The following CNRIP1 variants were observed in gnomAD, a reference collection of about 807,000 sequenced individuals.
CNRIP1 encodes the protein CB1 cannabinoid receptor-interacting protein 1.
Under a neutral mutation model 15.2 loss-of-function variants are expected in CNRIP1, and 10 were observed. The ratio of observed to expected loss-of-function variants is 0.66; its 90% CI spans 0.41 to 1.12. The LOEUF (loss-of-function observed/expected upper bound fraction) is 1.12, where lower values mean the gene tolerates loss of function less well. Among genes scored for constraint, CNRIP1 ranks in the 50% most tolerant of loss-of-function variants. The pLI is 0.00. For missense variants in CNRIP1, 211 were observed against 214.7 expected, an observed-to-expected ratio of 0.98 and a Z score of 0.11; for synonymous variants, 91 against 83.2, an observed-to-expected ratio of 1.09 and a Z score of -0.51.
intron 2 of CNRIP1, among the ~76,000 whole-genome samples, chr2:68,304,358 C>T (rs1045036916): frequency 2.6e-5 from 4 of 151,068 alleles, no homozygotes; most frequent in Admixed American, 6.6e-5. Flanking sequence ...GCCAAGATCA[C>T]GCCACTGCAC....
At chr2:68,294,564 T>TA (rs1671279405) in intron 2 of CNRIP1, among the ~76,000 whole-genome samples, 1 of 152,170 alleles carries the variant, frequency 6.6e-6, no homozygotes, top group Non-Finnish European at 1.5e-5. Flanking sequence ...AGAGAAGGAA[T>TA]AAAGTTTACT....
chr2:68,307,286 A>G (rs576093782), intron 2 of CNRIP1, among the ~76,000 whole-genome samples: 1 of 152,316 alleles, frequency 6.6e-6, no homozygotes, highest in South Asian at 2.1e-4. Flanking sequence ...GTCAAAATGT[A>G]TAGGATTGTA....
At chr2:68,305,259 A>AAAAAAATAT (rs1267101468) in intron 2 of CNRIP1, among the ~76,000 whole-genome samples, 6 of 100,362 alleles carry the variant, frequency 6.0e-5, no homozygotes, top group African/African-American at 2.2e-4. Flanking sequence ...AAAAAAAAAA[A>AAAAAAATAT]ATATATATAT....
Position 68,310,719 on chromosome 2 carries a change from A to G in CNRIP1, c.330+6438T>C, listed in dbSNP as rs559506548. On this transcript the variant is annotated intron_variant, in intron 2 of 2. Coordinates refer to ENST00000263655, the MANE Select transcript of CNRIP1 (RefSeq NM_015463.3). The stretch of plus-strand genomic sequence containing the variant: ...TGAAAGTGTGACCCATATTAAAAAA[A>G]AAAAAAGTCAGGCTGTAATAATTTA... Among the ~76,000 whole-genome samples, 7 of 152,156 alleles carry G rather than the reference A, an allele frequency of 4.6e-5. No individual in the cohort carries two copies. The East Asian group carries it at 1.3e-3, about 29-fold the overall frequency.
At chr2:68,299,560 C>T (rs545157653) in intron 2 of CNRIP1, among the ~76,000 whole-genome samples, 1 of 152,320 alleles carries the variant, frequency 6.6e-6, no homozygotes, top group South Asian at 2.1e-4. Flanking sequence ...GTTTGGTCTT[C>T]CCAGCTTCCA....
downstream of CNRIP1, among the ~76,000 whole-genome samples, chr2:68,289,576 G>A (rs535939741): frequency 6.6e-6 from 1 of 152,116 alleles, no homozygotes; most frequent in Admixed American, 6.5e-5. Context: ...CACTTCCAGG[G>A]CTCAAGAGAT....
chr2:68,285,817 C>T (rs533862717), intron 2 of CNRIP1, among the ~76,000 whole-genome samples: 1 of 152,292 alleles, frequency 6.6e-6, no homozygotes, highest in South Asian at 2.1e-4. Flanking sequence ...TCAACCACTG[C>T]CGCTATCAGG....
chr2:68,291,688 G>C (rs1272257811), downstream of CNRIP1, among the ~76,000 whole-genome samples: 3 of 152,106 alleles, frequency 2.0e-5, no homozygotes, highest in African/African-American at 7.2e-5. Context: ...AGAACAGCTT[G>C]ACCAACATGG....
chr2:68,285,668 A>AAG (rs1553413241), intron 2 of CNRIP1, among the ~76,000 whole-genome samples: 2 of 124,434 alleles, frequency 1.6e-5, no homozygotes, highest in African/African-American at 3.1e-5. Context: ...AAAAAAAAAA[A>AAG]AAAAGAAAAG....
At chr2:68,314,521 C>A (rs1319066945) in intron 2 of CNRIP1, among the ~76,000 whole-genome samples, 1 of 151,552 alleles carries the variant, frequency 6.6e-6, no homozygotes, top group African/African-American at 2.4e-5. Context: ...AAACATTAGA[C>A]AATGCAATAT....
downstream of CNRIP1, among the ~76,000 whole-genome samples, chr2:68,289,314 A>G (rs141768649): frequency 6.6e-6 from 1 of 152,304 alleles, no homozygotes; most frequent in East Asian, 1.9e-4. Context: ...ATTTTTAAAT[A>G]ATTAAAAATT....
rs1376446286 is a variant in CNRIP1 at position 68,319,564 on chromosome 2, C to T, written c.-164G>A. 1.7e-5 allele frequency: 12 copies of T among 689,492 alleles called. No individual in the cohort carries two copies. Among genetic ancestry groups the T allele is most frequent in the Non-Finnish European group, 2.7e-5 (12 of 440,354 alleles). 42.7% of individuals were successfully genotyped at this position (689,492 alleles called of 1,614,324 possible). On this transcript the variant is annotated 5_prime_UTR_variant, in exon 1 of 3. Transcript: ENST00000263655. ...ACCCGCGCCGTCGCCGCCGTCCGCCCGGGCTTTTGAGGAGCAGCTCCTTAG... is the reference window on the plus strand; with the variant it reads ...ACCCGCGCCGTCGCCGCCGTCCGCCTGGGCTTTTGAGGAGCAGCTCCTTAG...
At chr2:68,314,053 A>G (rs1430879085) in intron 2 of CNRIP1, among the ~76,000 whole-genome samples, 1 of 152,114 alleles carries the variant, frequency 6.6e-6, no homozygotes, top group Non-Finnish European at 1.5e-5. Flanking sequence ...CAAGAAAACC[A>G]TCCCGCAAAT....
Position 68,319,415 on chromosome 2 carries a change from C to T in CNRIP1, c.-15G>A. ...AGGTCCCCCATGTCTGGGCGAGGGT[C>T]TGGCGCGGCGGCTCCGGGGGGCGGA... On this transcript the variant is annotated 5_prime_UTR_variant, in exon 1 of 3. Transcript: ENST00000263655. 1 of 1,533,794 alleles carries T rather than the reference C, an allele frequency of 6.5e-7. No homozygotes were observed. The highest frequency in any genetic ancestry group is 2.4e-5 in the East Asian group (1 of 41,456).
chr2:68,297,567 CAAAAAAAAAAAAA>C (rs112601365), intron 2 of CNRIP1, among the ~76,000 whole-genome samples: 23 of 98,866 alleles, frequency 2.3e-4, no homozygotes, highest in Non-Finnish European at 4.0e-4. Flanking sequence ...GACACTGTCT[CAAAAAAAAAAAAA>C]AAAAAAAAAA....
At chr2:68,284,392 T>G in exon 3 of CNRIP1, 1 of 1,347,670 alleles carries the variant, frequency 7.4e-7, no homozygotes, top group South Asian at 1.5e-5. Flanking sequence ...AAAAAGAACA[T>G]TTGTTCCTCA....
intron 2 of CNRIP1, 81 bp downstream of exon 2, chr2:68,317,076 C>T (rs891528695): frequency 2.3e-5 from 35 of 1,550,734 alleles, no homozygotes; most frequent in Non-Finnish European, 2.9e-5. Flanking sequence ...CCTTTTCTTA[C>T]AGAGAGATAG....
Position 68,319,425 on chromosome 2 carries a change from G to T in CNRIP1, c.-25C>A. ...TGTCTGGGCGAGGGTCTGGCGCGGC[G>T]GCTCCGGGGGGCGGAGGACAGCGCC... On this transcript the variant is annotated 5_prime_UTR_variant, in exon 1 of 3. Coordinates refer to ENST00000263655, the MANE Select transcript of CNRIP1 (RefSeq NM_015463.3). 1.3e-6 allele frequency: 2 copies of T among 1,506,556 alleles called. No homozygotes were observed. Among genetic ancestry groups the T allele is most frequent in the Non-Finnish European group, 1.8e-6 (2 of 1,128,860 alleles). The allele number at this position is 1,506,556 out of a possible 1,614,324, so 93.3% of individuals were successfully genotyped here.
intron 1 of CNRIP1, among the ~76,000 whole-genome samples, chr2:68,318,438 CCA>C (rs1241941746): frequency 1.3e-5 from 2 of 152,160 alleles, no homozygotes; most frequent in African/African-American, 4.8e-5. Flanking sequence ...CTGCATGCTC[CCA>C]CACACTTTCC....
Sources: gnomAD v4.1 joint callset for allele counts (sites outside exome capture counted in the v4.1 genomes callset) on GRCh38, gnomAD v4.1.1 for gene constraint, MANE v1.5 for transcripts, NCBI Gene and HGNC (gene_info 2026-07-23, HGNC 2026-07-21) for gene names.